CNTN4: variants seen among roughly 807,000 people sequenced by gnomAD.
CNTN4 encodes the protein contactin 4, also known as contactin-4.
Under a neutral mutation model 122.5 loss-of-function variants are expected in CNTN4, and 77 were observed. That is an observed-to-expected ratio of 0.63 (90% CI 0.52 to 0.76). The LOEUF (loss-of-function observed/expected upper bound fraction) is 0.76, where lower values mean the gene tolerates loss of function less well. Among genes scored for constraint, CNTN4 ranks in the 30% least tolerant of loss-of-function variants. The pLI is 0.00. For synonymous variants in CNTN4, 512 were observed against 447.0 expected (o/e 1.15, Z -1.83); for missense variants, 1,256 against 1,259.1 (o/e 1.00, Z 0.04).
intron 2 of CNTN4, among the ~76,000 whole-genome samples, chr3:2,186,005 T>A (rs993525008): frequency 1.1e-4 from 16 of 152,202 alleles, no homozygotes; most frequent in Non-Finnish European, 1.3e-4. Context: ...TATGTATACA[T>A]GAGCCATGTT....
chr3:2,436,705 T>G (rs1462214271), intron 3 of CNTN4, among the ~76,000 whole-genome samples: 2 of 151,732 alleles, frequency 1.3e-5, no homozygotes, highest in Admixed American at 1.3e-4. Context: ...GTTTTTAATC[T>G]CTGATCTGCA....
At chr3:2,182,763 G>A (rs952360205) in intron 2 of CNTN4, among the ~76,000 whole-genome samples, 22 of 151,384 alleles carry the variant, frequency 1.5e-4, no homozygotes, top group Admixed American at 4.0e-4. Context: ...CAAAACTTCC[G>A]CATAAGTTTG....
chr3:2,440,730 A>G (rs1248593152), intron 3 of CNTN4, among the ~76,000 whole-genome samples: 1 of 150,996 alleles, frequency 6.6e-6, no homozygotes, highest in Non-Finnish European at 1.5e-5. Context: ...ATACACACAT[A>G]TTTGTGTATG....
chr3:2,110,307 A>C (rs1240312912), intron 2 of CNTN4: 1 of 152,254 alleles, frequency 6.6e-6, no homozygotes, highest in Non-Finnish European at 1.5e-5. Context: ...TGTGAACATT[A>C]ATGGTATGCA....
intron 7 of CNTN4, among the ~76,000 whole-genome samples, chr3:2,855,522 A>T (rs1402950128): frequency 6.6e-6 from 1 of 152,206 alleles, no homozygotes; most frequent in Non-Finnish European, 1.5e-5. Flanking sequence ...GGTTCTGCTG[A>T]TGGAGATGGA....
intron 4 of CNTN4, among the ~76,000 whole-genome samples, chr3:2,656,225 T>C (rs533236499): frequency 1.1e-4 from 17 of 152,284 alleles, no homozygotes; most frequent in African/African-American, 4.1e-4. Flanking sequence ...TAAATGAAGG[T>C]ACATATAATA....
intron 4 of CNTN4, among the ~76,000 whole-genome samples, chr3:2,730,779 A>G (rs1264338702): frequency 6.6e-6 from 1 of 151,792 alleles, no homozygotes; most frequent in Non-Finnish European, 1.5e-5. Context: ...ATTCAGGCTT[A>G]TTTTTCTCTG....
intron 13 of CNTN4, among the ~76,000 whole-genome samples, chr3:2,980,547 G>A (rs1577485026): frequency 6.6e-6 from 1 of 152,170 alleles, no homozygotes. Context: ...AGGAAACTTT[G>A]AAATCTCATC....
chr3:2,526,337 C>G (rs970952513), intron 3 of CNTN4, among the ~76,000 whole-genome samples: 2 of 152,124 alleles, frequency 1.3e-5, no homozygotes, highest in Non-Finnish European at 2.9e-5. Context: ...GTAGTTTCAC[C>G]TACATTTTAT....
At chr3:2,151,268 A>G (rs1347687265) in intron 2 of CNTN4, among the ~76,000 whole-genome samples, 3 of 152,128 alleles carry the variant, frequency 2.0e-5, no homozygotes, top group Non-Finnish European at 4.4e-5. Flanking sequence ...GATGAAGAAA[A>G]TGATGAATAG....
At chr3:2,162,024 T>C (rs1407709967) in intron 2 of CNTN4, among the ~76,000 whole-genome samples, 1 of 152,238 alleles carries the variant, frequency 6.6e-6, no homozygotes, top group Non-Finnish European at 1.5e-5. Flanking sequence ...ATCTTATGTC[T>C]GTTAAAATTG....
At chr3:2,356,683 C>T (rs1160750356) in intron 3 of CNTN4, among the ~76,000 whole-genome samples, 1 of 152,150 alleles carries the variant, frequency 6.6e-6, no homozygotes, top group Non-Finnish European at 1.5e-5. Context: ...GGGAATGCAG[C>T]CCAGTAGATC....
intron 2 of CNTN4, among the ~76,000 whole-genome samples, chr3:2,119,964 TC>T (rs1246634762): frequency 6.6e-6 from 1 of 151,934 alleles, no homozygotes; most frequent in African/African-American, 2.4e-5. Flanking sequence ...GGTGGCAGAG[TC>T]AAGAAAGGCT....
chr3:2,817,314 G>A (rs779654049), intron 6 of CNTN4, among the ~76,000 whole-genome samples: 10 of 152,172 alleles, frequency 6.6e-5, no homozygotes, highest in Non-Finnish European at 1.3e-4. Flanking sequence ...ATGGTATGTA[G>A]ACCTGCCCAT....
chr3:2,943,482 T>C lies in CNTN4; in HGVS notation c.1358+17703T>C, dbSNP rs960259033. On this transcript the variant is annotated intron_variant, in intron 13 of 24. Transcript: ENST00000418658. Reference sequence around the variant, plus strand: ...CGGCAGGTTCTTAGCAATTGCACCATCTTCGTTCTTGATTTAACATCCAGC... The same window carrying C: ...CGGCAGGTTCTTAGCAATTGCACCACCTTCGTTCTTGATTTAACATCCAGC... Among the ~76,000 whole-genome samples, 33 of 151,916 alleles carry C rather than the reference T, an allele frequency of 2.2e-4. 1 individual carries two copies. Among genetic ancestry groups the C allele is most frequent in the African/African-American group, 7.3e-4 (30 of 41,368 alleles).
chr3:2,982,245 A>G (rs1448556939), intron 13 of CNTN4, among the ~76,000 whole-genome samples: 1 of 152,186 alleles, frequency 6.6e-6, no homozygotes, highest in East Asian at 1.9e-4. Context: ...AAGTTCTATC[A>G]AGGCAGTCAT....
chr3:2,302,818 T>C (rs1042382652), intron 2 of CNTN4, among the ~76,000 whole-genome samples: 7 of 152,126 alleles, frequency 4.6e-5, no homozygotes, highest in Non-Finnish European at 1.0e-4. Context: ...TATTAGTCAA[T>C]CTTATGTTTT....
intron 13 of CNTN4, among the ~76,000 whole-genome samples, chr3:2,957,898 G>A (rs529322829): frequency 5.3e-5 from 8 of 152,216 alleles, no homozygotes; most frequent in African/African-American, 1.2e-4. Context: ...TGCGATGAAC[G>A]TAAAGTGCAT....
chr3:2,142,522 C>T lies in CNTN4; in HGVS notation c.-145+41883C>T, dbSNP rs551814657. ...GGGATTACAGGTGCCCGCCATCATG[C>T]CTGGCTAATTTTGTATTTTTAGTAG... On this transcript the variant is annotated intron_variant, in intron 2 of 24. Coordinates refer to ENST00000418658, the MANE Select transcript of CNTN4 (RefSeq NM_175607.3). Among the ~76,000 whole-genome samples, 13 of 152,236 alleles carry T rather than the reference C, an allele frequency of 8.5e-5. No homozygotes were observed. The South Asian group carries it at 2.7e-3, about 32-fold the overall frequency.
Sources: allele counts gnomAD v4.1 joint callset (sites outside exome capture counted in the v4.1 genomes callset), GRCh38; gene constraint gnomAD v4.1.1; transcripts MANE v1.5; gene names NCBI Gene and HGNC (gene_info 2026-07-23, HGNC 2026-07-21).